The following HDAC9 variants were observed in gnomAD, a reference collection of about 807,000 sequenced individuals.
The protein encoded by HDAC9 is histone deacetylase 9.
Under a neutral mutation model 139.4 loss-of-function variants are expected in HDAC9, and 41 were observed. The observed-to-expected ratio is 0.29, with a 90% confidence interval of 0.23 to 0.38. The LOEUF (loss-of-function observed/expected upper bound fraction) is 0.38, where lower values mean the gene tolerates loss of function less well. Ranked by LOEUF, HDAC9 falls within the 10% of genes least tolerant of loss-of-function variation. HDAC9 has a pLI of 1.00. For missense variants in HDAC9, 1,147 were observed against 1,297.0 expected, an observed-to-expected ratio of 0.88 and a Z score of 1.78; for synonymous variants, 517 against 476.2, an observed-to-expected ratio of 1.09 and a Z score of -1.12.
chr7:18,537,736 C>G (rs1811363171), intron 2 of HDAC9, among the ~76,000 whole-genome samples: 1 of 152,196 alleles, frequency 6.6e-6, no homozygotes, highest in Non-Finnish European at 1.5e-5. Flanking sequence ...TCATCCCAGT[C>G]TGACCCAAAA....
At chr7:18,972,502 T>C (rs946094856) in intron 24 of HDAC9, among the ~76,000 whole-genome samples, 1 of 149,344 alleles carries the variant, frequency 6.7e-6, no homozygotes, top group African/African-American at 2.5e-5. Context: ...TGCCTCAGCC[T>C]CCGGAGTAGC....
chr7:18,681,551 G>GCTCT (rs1209970068), intron 12 of HDAC9, among the ~76,000 whole-genome samples: 1 of 151,926 alleles, frequency 6.6e-6, no homozygotes, highest in Non-Finnish European at 1.5e-5. Flanking sequence ...TTGCAATAAG[G>GCTCT]ACTTCTGCCT....
chr7:18,372,362 A>G (rs1318611416), intron 1 of HDAC9, among the ~76,000 whole-genome samples: 2 of 152,200 alleles, frequency 1.3e-5, no homozygotes, highest in South Asian at 2.1e-4. Flanking sequence ...ATCTACCAAG[A>G]GCTTCTCAAA....
At chr7:18,256,283 A>G (rs544876070) in intron 2 of HDAC9, among the ~76,000 whole-genome samples, 1 of 152,222 alleles carries the variant, frequency 6.6e-6, no homozygotes, top group Non-Finnish European at 1.5e-5. Context: ...AGGAACACAC[A>G]AAGATATAAA....
intron 1 of HDAC9, among the ~76,000 whole-genome samples, chr7:18,356,358 G>T (rs915041175): frequency 7.1e-4 from 39 of 55,122 alleles, no homozygotes; most frequent in African/African-American, 1.9e-3. Context: ...CAGCACATAG[G>T]TTTTTTTTTT....
At chr7:18,547,830 T>C (rs1815535714) in intron 2 of HDAC9, among the ~76,000 whole-genome samples, 1 of 129,714 alleles carries the variant, frequency 7.7e-6, no homozygotes, top group African/African-American at 3.0e-5. Context: ...CTTCCTTCCT[T>C]CCTTCCTTCC....
chr7:18,677,659 T>C lies in HDAC9; in HGVS notation c.1731+11183T>C, dbSNP rs756703257. Among the ~76,000 whole-genome samples the C allele has an allele frequency of 8.6e-4, 131 of 152,096 alleles. 1 individual carries two copies. Among genetic ancestry groups the C allele is most frequent in the Non-Finnish European group, 1.5e-3 (99 of 67,874 alleles). On this transcript the variant is annotated intron_variant, in intron 12 of 25. Transcript: ENST00000686413. ...CTTGATATTGTCGGGTTTTTCTAACTGTATGCAGCTAATGACTGCATTAGG... is the reference window on the plus strand; with the variant it reads ...CTTGATATTGTCGGGTTTTTCTAACCGTATGCAGCTAATGACTGCATTAGG...
intron 1 of HDAC9, among the ~76,000 whole-genome samples, chr7:18,383,254 G>A (rs1585514431): frequency 6.6e-6 from 1 of 152,324 alleles, no homozygotes; most frequent in Non-Finnish European, 1.5e-5. Flanking sequence ...ATGTGCTCGT[G>A]CAGGGATGGC....
chr7:18,267,017 T>C (rs919643338), intron 2 of HDAC9, among the ~76,000 whole-genome samples: 3 of 152,126 alleles, frequency 2.0e-5, no homozygotes, highest in African/African-American at 4.8e-5. Flanking sequence ...TTCTGTGCTG[T>C]TCAGCTGTGA....
intron 12 of HDAC9, among the ~76,000 whole-genome samples, chr7:18,724,515 G>A (rs1030105656): frequency 1.3e-5 from 2 of 152,144 alleles, no homozygotes; most frequent in African/African-American, 2.4e-5. Flanking sequence ...GTGAGTCAGC[G>A]ACTGGCTGAT....
intron 2 of HDAC9, among the ~76,000 whole-genome samples, chr7:18,247,908 G>T (rs934283346): frequency 6.6e-6 from 1 of 152,028 alleles, no homozygotes; most frequent in Non-Finnish European, 1.5e-5. Flanking sequence ...ATCCTGTAAA[G>T]GTCTTATTTA....
intron 15 of HDAC9, among the ~76,000 whole-genome samples, chr7:18,763,371 T>C (rs1199791008): frequency 2.6e-5 from 4 of 152,168 alleles, no homozygotes; most frequent in African/African-American, 4.8e-5. Context: ...CACACATGCG[T>C]GTAGCAGTAT....
Position 18,892,449 on chromosome 7 carries a change from T to G in HDAC9, c.2803+17853T>G, listed in dbSNP as rs1360020298. On this transcript the variant is annotated intron_variant, in intron 22 of 25. Coordinates refer to ENST00000686413, the MANE Select transcript of HDAC9 (RefSeq NM_178425.4). ...TTTATGAAAGAGCTAGAGATGGAAT[T>G]CACAGGTGGTCTGGCATCAGAGCTA... The G allele has an allele frequency of 5.3e-5, 8 of 152,278 alleles. No homozygotes were observed. The East Asian group carries it at 1.5e-3, about 29-fold the overall frequency. 9.4% of individuals were successfully genotyped at this position (152,278 alleles called of 1,614,324 possible).
chr7:18,808,223 A>G (rs577741137), intron 17 of HDAC9: 1 of 152,288 alleles, frequency 6.6e-6, no homozygotes, highest in African/African-American at 2.4e-5. Context: ...GATCTGCCAA[A>G]TCAACCCTGG....
rs1272230774 is a variant in HDAC9 at position 18,701,249 on chromosome 7, T to G, written c.1732-26331T>G. On this transcript the variant is annotated intron_variant, in intron 12 of 25. Coordinates refer to ENST00000686413, the MANE Select transcript of HDAC9 (RefSeq NM_178425.4). ...AACTCTCCGAGATAAGTGAATCTTC[T>G]CCCAGTTTTGGTGTATCATTCTAGT... Among the ~76,000 whole-genome samples the G allele has an allele frequency of 2.0e-5, 3 of 152,164 alleles. No homozygotes were observed. The East Asian group carries it at 5.8e-4, about 29-fold the overall frequency.
chr7:18,996,259 C>T lies in HDAC9; in HGVS notation c.*197C>T, dbSNP rs546392285. 5.9e-5 allele frequency: 30 copies of T among 506,044 alleles called. No individual in the cohort carries two copies. Among genetic ancestry groups the T allele is most frequent in the Middle Eastern group, 5.6e-4 (1 of 1,784 alleles). 31.3% of individuals were successfully genotyped at this position (506,044 alleles called of 1,614,324 possible). A position where few individuals can be genotyped will look rare whatever the true frequency, so the allele number is the denominator to read the frequency against. ...GAAAGGGCATTAAAGATTCCTTAAA[C>T]GTAACCGCTGTGATTCTAGAGTTAC... On this transcript the variant is annotated 3_prime_UTR_variant, in exon 26 of 26. Coordinates refer to ENST00000686413, the MANE Select transcript of HDAC9 (RefSeq NM_178425.4).
At position 18,790,978 on chromosome 7, in the gene HDAC9, T is replaced by C. The variant is rs140259417; in HGVS notation, c.2215-2367T>C. Among the ~76,000 whole-genome samples, 5 of 152,288 alleles carry C rather than the reference T, an allele frequency of 3.3e-5. No homozygotes were observed. The East Asian group carries it at 9.6e-4, about 29-fold the overall frequency. ...CTGAATTAAAACAAAACTACCATTA[T>C]TAGTAGAAGTTTAGACACCAAAATT... is the stretch of plus-strand genomic sequence containing the variant. On this transcript the variant is annotated intron_variant, in intron 16 of 25. Transcript: ENST00000686413.
At chr7:18,612,492 A>G (rs706084) in intron 6 of HDAC9, among the ~76,000 whole-genome samples, 138,523 of 152,032 alleles carry the variant, frequency 0.91, 63,190 homozygotes, top group South Asian at 0.97. Flanking sequence ...AAGGACAGAT[A>G]ATATGCATAT....
chr7:18,554,825 T>C (rs1024230229), intron 2 of HDAC9, among the ~76,000 whole-genome samples: 2 of 152,218 alleles, frequency 1.3e-5, no homozygotes, highest in African/African-American at 4.8e-5. Flanking sequence ...AACCTGGTTC[T>C]TACAAATCAT....
Sources: allele counts gnomAD v4.1 joint callset (sites outside exome capture counted in the v4.1 genomes callset), GRCh38; gene constraint gnomAD v4.1.1; transcripts MANE v1.5; gene names NCBI Gene and HGNC (gene_info 2026-07-23, HGNC 2026-07-21).